Variants in BCL2 observed in about 807,000 individuals in gnomAD.
BCL2 encodes apoptosis regulator Bcl-2.
Under a neutral mutation model 14.2 loss-of-function variants are expected in BCL2, and 1 was observed. That is an observed-to-expected ratio of 0.07 (90% CI 0.02 to 0.33). The LOEUF (loss-of-function observed/expected upper bound fraction) is 0.33. Ranked by LOEUF, BCL2 falls within the 10% of genes least tolerant of loss-of-function variation. BCL2 has a pLI of 0.99. For synonymous variants in BCL2, 151 were observed against 137.2 expected, an observed-to-expected ratio of 1.10 and a Z score of -0.70; for missense variants, 247 against 305.9, an observed-to-expected ratio of 0.81 and a Z score of 1.44.
At chr18:63,275,189 G>A (rs552534860) in intron 2 of BCL2, among the ~76,000 whole-genome samples, 351 of 150,628 alleles carry the variant, frequency 2.3e-3, no homozygotes, top group Non-Finnish European at 4.2e-3. Context: ...AGCCAGTCAC[G>A]CCACTGCACC....
At chr18:63,308,752 A>G (rs569319769) in intron 2 of BCL2, among the ~76,000 whole-genome samples, 1 of 150,256 alleles carries the variant, frequency 6.7e-6, no homozygotes, top group African/African-American at 2.4e-5. Flanking sequence ...GGGACATTTC[A>G]GACACACACA....
At chr18:63,170,185 G>T (rs1035316820) in intron 2 of BCL2, among the ~76,000 whole-genome samples, 5 of 152,030 alleles carry the variant, frequency 3.3e-5, no homozygotes, top group Admixed American at 3.3e-4. Flanking sequence ...TTAGGTTCTT[G>T]GGAGTATAAA....
intron 2 of BCL2, among the ~76,000 whole-genome samples, chr18:63,278,860 T>A (rs1041155218): frequency 1.3e-5 from 2 of 152,142 alleles, no homozygotes; most frequent in African/African-American, 4.8e-5. Flanking sequence ...TGGAAAAGAA[T>A]AGACAGACTC....
At chr18:63,286,635 A>G (rs914427227) in intron 2 of BCL2, among the ~76,000 whole-genome samples, 2 of 152,142 alleles carry the variant, frequency 1.3e-5, no homozygotes, top group Non-Finnish European at 2.9e-5. Context: ...ATGACCTCTG[A>G]GCCAACCTTC....
At chr18:63,142,942 G>T (rs1281476228) in intron 2 of BCL2, among the ~76,000 whole-genome samples, 1 of 152,210 alleles carries the variant, frequency 6.6e-6, no homozygotes, top group Non-Finnish European at 1.5e-5. Context: ...GCCCAGGGAA[G>T]ACAGCAGACC....
At chr18:63,171,918 C>T (rs1332944349) in intron 2 of BCL2, among the ~76,000 whole-genome samples, 1 of 152,194 alleles carries the variant, frequency 6.6e-6, no homozygotes, top group African/African-American at 2.4e-5. Flanking sequence ...GGGTTTGAGG[C>T]TGCAGTGAGC....
chr18:63,161,243 GA>G (rs1450392201), intron 2 of BCL2, among the ~76,000 whole-genome samples: 1 of 152,142 alleles, frequency 6.6e-6, no homozygotes, highest in African/African-American at 2.4e-5. Context: ...TGCATTTGGT[GA>G]AATCCCCCCC....
At chr18:63,164,515 T>C (rs1056382622) in intron 2 of BCL2, among the ~76,000 whole-genome samples, 1 of 152,194 alleles carries the variant, frequency 6.6e-6, no homozygotes, top group Admixed American at 6.5e-5. Flanking sequence ...ATGAGGCTTT[T>C]AGGGGGAAAG....
At chr18:63,156,505 A>G (rs1914786561) in intron 2 of BCL2, among the ~76,000 whole-genome samples, 1 of 152,168 alleles carries the variant, frequency 6.6e-6, no homozygotes, top group African/African-American at 2.4e-5. Flanking sequence ...AGTCATCCCC[A>G]TGGAGAACCA....
At chr18:63,312,925 A>C (rs1407761503) in intron 2 of BCL2, among the ~76,000 whole-genome samples, 4 of 151,818 alleles carry the variant, frequency 2.6e-5, no homozygotes, top group African/African-American at 9.7e-5. Flanking sequence ...TAACAAGGGA[A>C]CTCCCCCTGC....
intron 2 of BCL2, among the ~76,000 whole-genome samples, chr18:63,304,508 C>T (rs1913063247): frequency 6.6e-6 from 1 of 152,140 alleles, no homozygotes; most frequent in African/African-American, 2.4e-5. Flanking sequence ...TCAGTCAATG[C>T]TCTATGAGCA....
intron 2 of BCL2, among the ~76,000 whole-genome samples, chr18:63,299,960 TC>T (rs565018525): frequency 2.0e-5 from 3 of 151,786 alleles, no homozygotes; most frequent in Admixed American, 6.6e-5. Context: ...CAGGAGACTG[TC>T]CCCCCCAAGG....
chr18:63,225,501 C>A (rs1910519883), intron 2 of BCL2, among the ~76,000 whole-genome samples: 1 of 152,176 alleles, frequency 6.6e-6, no homozygotes. Flanking sequence ...AGTAAAGTGG[C>A]ATTGAATTGG....
At chr18:63,299,420 C>T (rs1322310366) in intron 2 of BCL2, among the ~76,000 whole-genome samples, 1 of 152,240 alleles carries the variant, frequency 6.6e-6, no homozygotes, top group Non-Finnish European at 1.5e-5. Context: ...GGCAGCTGCC[C>T]AGCACCTTCA....
At chr18:63,191,164 C>T (rs1909281782) in intron 2 of BCL2, among the ~76,000 whole-genome samples, 1 of 152,206 alleles carries the variant, frequency 6.6e-6, no homozygotes, top group Admixed American at 6.5e-5. Context: ...AATAAACATA[C>T]ATGTGCATGT....
chr18:63,281,973 T>A (rs1912333497), intron 2 of BCL2, among the ~76,000 whole-genome samples: 1 of 152,210 alleles, frequency 6.6e-6, no homozygotes, highest in Non-Finnish European at 1.5e-5. Context: ...AGTTATTTCA[T>A]CTTTCAACAT....
At chr18:63,134,716 C>G (rs1914164927) in intron 2 of BCL2, among the ~76,000 whole-genome samples, 1 of 152,210 alleles carries the variant, frequency 6.6e-6, no homozygotes, top group Non-Finnish European at 1.5e-5. Context: ...GGTAATGCCT[C>G]TATGTGCACA....
At chr18:63,186,994 T>G (rs1390652143) in intron 2 of BCL2, among the ~76,000 whole-genome samples, 1 of 152,248 alleles carries the variant, frequency 6.6e-6, no homozygotes, top group Non-Finnish European at 1.5e-5. Context: ...ATATCCATCT[T>G]CATTATTGAA....
intron 2 of BCL2, among the ~76,000 whole-genome samples, chr18:63,281,723 A>AGAAAGAAAGAAAGAAG (rs1912322931): frequency 6.7e-6 from 1 of 150,134 alleles, no homozygotes; most frequent in African/African-American, 2.5e-5. Context: ...AAAGAAAGAA[A>AGAAAGAAAGAAAGAAG]GAAAGAAAGA....
Sources: allele counts gnomAD v4.1 joint callset (sites outside exome capture counted in the v4.1 genomes callset), GRCh38; gene constraint gnomAD v4.1.1; transcripts MANE v1.5; gene names NCBI Gene and HGNC (gene_info 2026-07-23, HGNC 2026-07-21).